Variants in CFAP61 observed in about 807,000 individuals in gnomAD.
The protein encoded by CFAP61 is cilia- and flagella-associated protein 61.
A neutral mutation model predicts 135.6 loss-of-function variants in CFAP61; 107 were observed. The observed-to-expected ratio is 0.79, with a 90% CI of 0.67 to 0.93. The LOEUF (loss-of-function observed/expected upper bound fraction) is 0.93. CFAP61 is among the 40% of genes least tolerant of loss of function. The pLI, the probability that CFAP61 is intolerant of heterozygous loss-of-function variation, is 0.00. For missense variants in CFAP61, 1,507 were observed against 1,556.2 expected, an observed-to-expected ratio of 0.97 and a Z score of 0.53; for synonymous variants, 575 against 578.5, an observed-to-expected ratio of 0.99 and a Z score of 0.09.
At chr20:20,125,077 A>G (rs748495271) in intron 8 of CFAP61, among the ~76,000 whole-genome samples, 1 of 151,366 alleles carries the variant, frequency 6.6e-6, no homozygotes, top group Non-Finnish European at 1.5e-5. Flanking sequence ...CTCCTGTTTC[A>G]TTTCTTAATG....
At chr20:20,133,030 C>T (rs1355411913) in intron 8 of CFAP61, among the ~76,000 whole-genome samples, 1 of 152,136 alleles carries the variant, frequency 6.6e-6, no homozygotes, top group African/African-American at 2.4e-5. Flanking sequence ...TTACTTTCTA[C>T]ATGTCCTCTA....
intron 8 of CFAP61, among the ~76,000 whole-genome samples, chr20:20,131,782 A>C (rs1406785117): frequency 6.6e-6 from 1 of 151,904 alleles, no homozygotes; most frequent in Non-Finnish European, 1.5e-5. Context: ...ATATCCTTCT[A>C]TTCTTGGTCT....
At chr20:20,328,134 A>AC (rs2057837068) in intron 25 of CFAP61, among the ~76,000 whole-genome samples, 1 of 152,254 alleles carries the variant, frequency 6.6e-6, no homozygotes, top group African/African-American at 2.4e-5. Flanking sequence ...TGGCTGTAGC[A>AC]CAGTGAGAGA....
rs1228482084 is a variant in CFAP61 at position 20,052,609 on chromosome 20, G to C, written c.-37+18G>C. The C allele has an allele frequency of 6.2e-7, 1 of 1,613,768 alleles. No individual in the cohort carries two copies. The highest frequency in any genetic ancestry group is 1.1e-5 in the South Asian group (1 of 91,060). On this transcript the variant is annotated intron_variant, in intron 1 of 26. Coordinates refer to ENST00000245957, the MANE Select transcript of CFAP61 (RefSeq NM_015585.4). ...CGGATGAGGTGGGTAACGCCGTGCT[G>C]ACTAGCAGCGACGCAAGGACTGCGG...
At position 20,174,878 on chromosome 20, in the gene CFAP61, GGTT is replaced by G. The variant is rs1296544758; in HGVS notation, c.1385+5419_1385+5421del. Reference sequence around the variant, plus strand: ...TAAAGAAGACTCCATCACCTTGCTGGGTTCCTGGCATCAGTTAGCCCGAGGTGG... The same window carrying G: ...TAAAGAAGACTCCATCACCTTGCTGGCCTGGCATCAGTTAGCCCGAGGTGG... On this transcript the variant is annotated intron_variant, in intron 13 of 26. Coordinates refer to ENST00000245957, the MANE Select transcript of CFAP61 (RefSeq NM_015585.4). Among the ~76,000 whole-genome samples, 11 of 152,350 alleles carry G rather than the reference GGTT, an allele frequency of 7.2e-5. No individual in the cohort carries two copies. In the South Asian group the frequency reaches 1.2e-3, roughly 17 times the overall value.
At chr20:20,149,983 C>T (rs1426803777) in intron 9 of CFAP61, among the ~76,000 whole-genome samples, 1 of 152,148 alleles carries the variant, frequency 6.6e-6, no homozygotes, top group East Asian at 1.9e-4. Context: ...TAGCATGGGG[C>T]TGGGTCTGAG....
At chr20:20,290,416 T>C (rs377171432) in intron 24 of CFAP61, 25 bp downstream of exon 24, 7 of 1,452,638 alleles carry the variant, frequency 4.8e-6, no homozygotes, top group East Asian at 4.5e-5. Context: ...TGAATTTCAT[T>C]TTACTTTCAA....
Position 20,098,644 on chromosome 20 carries a change from G to A in CFAP61, c.700-11G>A. ...AAAAAAAAGAATAATGAGGTGTTTT[G>A]GATATTTCAGGTGGAAGGCACAGCT... is the stretch of plus-strand genomic sequence containing the variant. On this transcript the variant is annotated splice_polypyrimidine_tract_variant and intron_variant, in intron 7 of 26. Transcript: ENST00000245957. 2 of 1,485,214 alleles carry A rather than the reference G, an allele frequency of 1.3e-6. No homozygotes were observed. The highest frequency in any genetic ancestry group is 1.2e-5 in the South Asian group (1 of 80,984). The allele number at this position is 1,485,214 out of a possible 1,614,324, so 92.0% of individuals were successfully genotyped here. A position where few individuals can be genotyped will look rare whatever the true frequency, so the allele number is the denominator to read the frequency against.
intron 20 of CFAP61, among the ~76,000 whole-genome samples, chr20:20,256,302 C>A (rs2051561771): frequency 6.6e-6 from 1 of 151,524 alleles, no homozygotes; most frequent in African/African-American, 2.4e-5. Flanking sequence ...CAAAGGACAA[C>A]TAGAATAAAA....
rs192799359 is a variant in CFAP61, at chr20:20,195,090, A to G, written c.1591-1480A>G. 6.3e-3 allele frequency among the ~76,000 whole-genome samples: 966 copies of G among 152,304 alleles called. 9 individuals carry two copies. The highest frequency in any genetic ancestry group is 8.8e-3 in the Non-Finnish European group (597 of 68,024). On this transcript the variant is annotated intron_variant, in intron 15 of 26. Coordinates refer to ENST00000245957, the MANE Select transcript of CFAP61 (RefSeq NM_015585.4). ...AGAAAAGTCTTATAGTATAAAGGCC[A>G]TTACAGGGTCAATGCAGATTGAAAG...
At chr20:20,180,495 AT>A (rs2054982868) in intron 13 of CFAP61, among the ~76,000 whole-genome samples, 1 of 152,200 alleles carries the variant, frequency 6.6e-6, no homozygotes, top group Admixed American at 6.5e-5. Context: ...CAGAATGGCT[AT>A]TACAAAAAAG....
intron 17 of CFAP61, among the ~76,000 whole-genome samples, chr20:20,213,128 C>G (rs1346748899): frequency 3.3e-5 from 5 of 152,204 alleles, no homozygotes; most frequent in African/African-American, 1.2e-4. Flanking sequence ...CTTCTTCCCT[C>G]AGACCCTCCA....
chr20:20,259,246 T>C (rs960418380), intron 20 of CFAP61, among the ~76,000 whole-genome samples: 6 of 12,186 alleles, frequency 4.9e-4, no homozygotes, highest in Admixed American at 1.8e-3. Flanking sequence ...CCCTTCCATC[T>C]TTTTTTTTTT....
chr20:20,137,603 T>C (rs2051036921), intron 8 of CFAP61, among the ~76,000 whole-genome samples: 1 of 152,112 alleles, frequency 6.6e-6, no homozygotes, highest in Non-Finnish European at 1.5e-5. Context: ...TTCTGTCAGC[T>C]TGTGGTGAAT....
At chr20:20,086,343 A>T (rs553861260) in intron 6 of CFAP61, among the ~76,000 whole-genome samples, 2,757 of 106,900 alleles carry the variant, frequency 0.026, 141 homozygotes, top group African/African-American at 0.1. Flanking sequence ...CAGTCCCTGG[A>T]GTGTGATGTT....
At chr20:20,076,356 G>A (rs201851114) in intron 6 of CFAP61, among the ~76,000 whole-genome samples, 1 of 152,320 alleles carries the variant, frequency 6.6e-6, no homozygotes, top group East Asian at 1.9e-4. Context: ...AAGGGGAGGG[G>A]TGGTTGACAG....
At chr20:20,323,484 C>T (rs2057619345) in intron 25 of CFAP61, 1 of 210,244 alleles carries the variant, frequency 4.8e-6, no homozygotes, top group Non-Finnish European at 8.3e-6. Context: ...TTATTTTTAG[C>T]ACGTGAAAGT....
At chr20:20,256,801 A>C (rs113139440) in intron 20 of CFAP61, among the ~76,000 whole-genome samples, 1 of 152,240 alleles carries the variant, frequency 6.6e-6, no homozygotes. Flanking sequence ...CCCGAAAAAC[A>C]TATTGTCCAG....
intron 9 of CFAP61, among the ~76,000 whole-genome samples, chr20:20,153,942 A>G (rs1330041866): frequency 1.3e-5 from 2 of 152,134 alleles, no homozygotes; most frequent in Non-Finnish European, 2.9e-5. Flanking sequence ...CCTGATGAAC[A>G]TAGTTGCAAA....
Sources: gnomAD v4.1 joint callset for allele counts (sites outside exome capture counted in the v4.1 genomes callset) on GRCh38, gnomAD v4.1.1 for gene constraint, MANE v1.5 for transcripts, NCBI Gene and HGNC (gene_info 2026-07-23, HGNC 2026-07-21) for gene names.